The following ARHGEF4 variants were observed in gnomAD, a reference collection of about 807,000 sequenced individuals.
ARHGEF4 encodes Rho guanine nucleotide exchange factor 4.
Under a neutral mutation model 162.0 loss-of-function variants are expected in ARHGEF4, and 119 were observed. That is an observed-to-expected ratio of 0.73 (90% CI 0.63 to 0.86). The LOEUF is 0.86. Among genes scored for constraint, ARHGEF4 ranks in the 40% least tolerant of loss-of-function variants. The probability of loss-of-function intolerance (pLI) is 0.00; values close to 1 mark genes in which losing one functional copy is unlikely to be tolerated. For synonymous variants in ARHGEF4, 1,014 were observed against 979.9 expected, an observed-to-expected ratio of 1.03 and a Z score of -0.65; for missense variants, 2,488 against 2,456.0, an observed-to-expected ratio of 1.01 and a Z score of -0.28.
At chr2:130,983,808 C>T (rs1425236919) in intron 4 of ARHGEF4, among the ~76,000 whole-genome samples, 1 of 152,060 alleles carries the variant, frequency 6.6e-6, no homozygotes, top group African/African-American at 2.4e-5. Context: ...CGCCACCACA[C>T]CCGGCTAATT....
intron 4 of ARHGEF4, among the ~76,000 whole-genome samples, chr2:130,996,201 A>G (rs536301565): frequency 2.0e-4 from 31 of 152,164 alleles, no homozygotes; most frequent in African/African-American, 7.2e-4. Flanking sequence ...TCAGCCTTTC[A>G]ACCATACTTC....
chr2:130,849,087 G>A (rs1380365453), intron 1 of ARHGEF4, among the ~76,000 whole-genome samples: 1 of 152,136 alleles, frequency 6.6e-6, no homozygotes, highest in Non-Finnish European at 1.5e-5. Context: ...CCCATCCCCA[G>A]CCAAGAGCAC....
chr2:130,994,161 AAC>A (rs1687231969), intron 4 of ARHGEF4, among the ~76,000 whole-genome samples: 1 of 152,294 alleles, frequency 6.6e-6, no homozygotes, highest in Non-Finnish European at 1.5e-5. Context: ...CCAAGATAAT[AAC>A]CTTTGTCTTT....
At chr2:130,968,668 C>T (rs1685152026) in intron 4 of ARHGEF4, among the ~76,000 whole-genome samples, 1 of 152,196 alleles carries the variant, frequency 6.6e-6, no homozygotes, top group Admixed American at 6.5e-5. Flanking sequence ...GCCTGTAATC[C>T]AAGCACTTTG....
At chr2:130,899,304 TG>T (rs962932691) in intron 1 of ARHGEF4, among the ~76,000 whole-genome samples, 9 of 152,198 alleles carry the variant, frequency 5.9e-5, no homozygotes, top group Admixed American at 5.2e-4. Context: ...TCAAGGATCA[TG>T]GGGGAATGAT....
intron 4 of ARHGEF4, among the ~76,000 whole-genome samples, chr2:130,988,611 C>T (rs1402486343): frequency 6.6e-6 from 1 of 152,080 alleles, no homozygotes. Context: ...TGAAGTAGAG[C>T]TCACAGTGTA....
chr2:131,017,326 C>T (rs1021094255), intron 4 of ARHGEF4, among the ~76,000 whole-genome samples: 1 of 152,176 alleles, frequency 6.6e-6, no homozygotes, highest in Non-Finnish European at 1.5e-5. Flanking sequence ...GTCCTTCCCC[C>T]ACCTTCACCT....
Position 130,914,758 on chromosome 2 carries a change from A to G in ARHGEF4, c.812A>G (p.Lys271Arg), listed in dbSNP as rs931609588. The G allele has an allele frequency of 2.1e-6, 3 of 1,425,940 alleles. No homozygotes were observed. In the African/African-American group the frequency reaches 4.3e-5, roughly 21 times the overall value. 88.3% of individuals were successfully genotyped at this position (1,425,940 alleles called of 1,614,324 possible). ...GCCCCTCTGGGGACCAGGACAAAGAAGGAAAGTACTCTAGGCCCTGCAGGG... is the reference window on the plus strand; with the variant it reads ...GCCCCTCTGGGGACCAGGACAAAGAGGGAAAGTACTCTAGGCCCTGCAGGG... ...NTAPLGTRTKKESTLGPAGDT... is the reference protein window; with the variant it reads ...NTAPLGTRTKRESTLGPAGDT... Residue 271 changes from lysine (K) to arginine (R), a missense_variant, in exon 2 of 14, where the codon AAG (lysine) becomes AGG (arginine). Coordinates refer to ENST00000409359, the MANE Select transcript of ARHGEF4 (RefSeq NM_001367493.1).
rs1361850893 is a variant in ARHGEF4 at position 130,914,143 on chromosome 2, C to CA, written c.202dup (p.Thr68AsnfsTer2). On this transcript the variant is annotated frameshift_variant, in exon 2 of 14. Coordinates refer to ENST00000409359, the MANE Select transcript of ARHGEF4 (RefSeq NM_001367493.1). LOFTEE classifies it high-confidence loss of function. ...CAGCAGAGTGAAAGTGGATCAGACACAAAAACTGACCCCTTTGAAAGTGCC... is the reference window on the plus strand; with the variant it reads ...CAGCAGAGTGAAAGTGGATCAGACACAAAAAACTGACCCCTTTGAAAGTGCC... The CA allele has an allele frequency of 6.5e-7, 1 of 1,536,140 alleles. No homozygotes were observed. The highest frequency in any genetic ancestry group is 2.0e-5 in the Admixed American group (1 of 51,002).
chr2:130,894,841 G>A (rs1340256204), intron 1 of ARHGEF4, among the ~76,000 whole-genome samples: 1 of 152,082 alleles, frequency 6.6e-6, no homozygotes, highest in Non-Finnish European at 1.5e-5. Context: ...TTATGCAGTT[G>A]TTCAGGGGAC....
intron 12 of ARHGEF4, 39 bp from the exon 13 acceptor site, chr2:131,045,330 C>T (rs199856432): frequency 3.1e-5 from 50 of 1,587,754 alleles, no homozygotes; most frequent in African/African-American, 5.4e-5. Context: ...CCTGGGGCCA[C>T]GAAGTGGGGC....
At chr2:130,838,554 C>G (rs1285080790) in intron 1 of ARHGEF4, among the ~76,000 whole-genome samples, 1 of 151,726 alleles carries the variant, frequency 6.6e-6, no homozygotes, top group Non-Finnish European at 1.5e-5. Flanking sequence ...TGCAGTGAGC[C>G]AAGATAGCAC....
At chr2:131,043,063 AT>A (rs1451717273) in intron 10 of ARHGEF4, among the ~76,000 whole-genome samples, 1 of 152,226 alleles carries the variant, frequency 6.6e-6, no homozygotes, top group Non-Finnish European at 1.5e-5. Flanking sequence ...AGTGAATTTA[AT>A]TTTAATAATG....
At chr2:130,837,884 G>T (rs1297106539) in intron 1 of ARHGEF4, among the ~76,000 whole-genome samples, 1 of 152,234 alleles carries the variant, frequency 6.6e-6, no homozygotes, top group Non-Finnish European at 1.5e-5. Context: ...GCCCTACTTG[G>T]CTGTGCAGCC....
At chr2:131,007,149 C>T (rs1215281459) in intron 4 of ARHGEF4, among the ~76,000 whole-genome samples, 1 of 152,212 alleles carries the variant, frequency 6.6e-6, no homozygotes, top group Non-Finnish European at 1.5e-5. Flanking sequence ...ACTATGTTCT[C>T]AGTCCTCTAT....
At chr2:130,839,491 C>T (rs981973612) in intron 1 of ARHGEF4, among the ~76,000 whole-genome samples, 1 of 152,170 alleles carries the variant, frequency 6.6e-6, no homozygotes, top group Non-Finnish European at 1.5e-5. Flanking sequence ...GCACTTGGTA[C>T]AGACTCTGTA....
At chr2:130,968,350 G>A (rs943307511) in intron 4 of ARHGEF4, among the ~76,000 whole-genome samples, 2 of 152,228 alleles carry the variant, frequency 1.3e-5, no homozygotes, top group Non-Finnish European at 2.9e-5. Flanking sequence ...GAAGGAAATG[G>A]TTCAGAGAAA....
At chr2:130,881,986 T>G (rs1679221540) in intron 1 of ARHGEF4, among the ~76,000 whole-genome samples, 1 of 151,870 alleles carries the variant, frequency 6.6e-6, no homozygotes, top group Non-Finnish European at 1.5e-5. Context: ...CAAGAGGGGC[T>G]GGGGTGCAGC....
chr2:130,918,013 G>A (rs771226956), intron 2 of ARHGEF4, among the ~76,000 whole-genome samples: 55 of 151,224 alleles, frequency 3.6e-4, no homozygotes, highest in Non-Finnish European at 6.3e-4. Flanking sequence ...GTAGAGACGG[G>A]GTTTCACCAT....
Sources: gnomAD v4.1 joint callset for allele counts (sites outside exome capture counted in the v4.1 genomes callset) on GRCh38, gnomAD v4.1.1 for gene constraint, MANE v1.5 for transcripts, NCBI Gene and HGNC (gene_info 2026-07-23, HGNC 2026-07-21) for gene names.